MAP3K4: variants seen among roughly 807,000 people sequenced by gnomAD.
MAP3K4 encodes the protein mitogen-activated protein kinase kinase kinase 4.
Under a neutral mutation model 185.6 loss-of-function variants are expected in MAP3K4, and 67 were observed. The observed-to-expected ratio is 0.36, with a 90% CI of 0.30 to 0.44. The LOEUF is 0.44. Ranked by LOEUF, MAP3K4 falls within the 20% of genes least tolerant of loss-of-function variation. The pLI is 1.00. For synonymous variants in MAP3K4, 702 were observed against 710.4 expected (o/e 0.99, Z 0.19); for missense variants, 1,551 against 1,995.1 (o/e 0.78, Z 4.24).
rs371751053 is a variant in MAP3K4 at position 161,098,355 on chromosome 6, C to T, written c.3602C>T (p.Ala1201Val). 6 of 1,613,732 alleles carry T rather than the reference C, an allele frequency of 3.7e-6. No individual in the cohort carries two copies. In the African/African-American group the frequency reaches 8.0e-5, roughly 22 times the overall value. The change falls in exon 17 of 27, where the codon GCT becomes GTT. Residue 1201 changes from alanine (A) to valine (V), a missense_variant. Physicochemically the swap from Ala to Val is moderately conservative, Grantham distance 64 (BLOSUM62 0). Coordinates refer to ENST00000392142, the MANE Select transcript of MAP3K4 (RefSeq NM_005922.4). This position sits in a 1 kb window ranked among gnomAD's most constrained non-coding sequence, Gnocchi z 4.4. ...AAAAAAAAAV[A>V]ASRPSPSGGD... The stretch of plus-strand genomic sequence containing the variant: ...GCTGCTGCTGCTGCTGCTGCTGTTG[C>T]TGCCAGTCGGCCCAGCCCCTCTGGT...
At chr6:161,041,247 A>G (rs139933400) in intron 2 of MAP3K4, among the ~76,000 whole-genome samples, 39 of 152,318 alleles carry the variant, frequency 2.6e-4, no homozygotes, top group South Asian at 1.0e-3. Flanking sequence ...CTGACTACCT[A>G]TCGGCAAATC....
In MAP3K4 at chr6:161,043,751, C is replaced by G. The variant is rs1387837738; in HGVS notation, c.344-4865C>G. 1.3e-5 allele frequency among the ~76,000 whole-genome samples: 2 copies of G among 152,184 alleles called. No homozygotes were observed. The highest frequency in any genetic ancestry group is 2.9e-5 in the Non-Finnish European group (2 of 68,032). ...TACACTGAAATTTGAGAAGCTTGAG[C>G]TAGATGATCTCTAAGTCCCTTCAGG... On this transcript the variant is annotated intron_variant, in intron 2 of 26. Transcript: ENST00000392142. The surrounding 1 kb of genome is among the most constrained non-coding windows in gnomAD (Gnocchi z 4.3).
Position 161,109,184 on chromosome 6 carries a change from A to C in MAP3K4, c.4236+325A>C. 2.1e-6 allele frequency: 1 copy of C among 476,068 alleles called. No homozygotes were observed. The highest frequency in any genetic ancestry group is 3.8e-6 in the Non-Finnish European group (1 of 261,502). 29.5% of individuals were successfully genotyped at this position (476,068 alleles called of 1,614,324 possible). Reference sequence around the variant, plus strand: ...TTTTTGCTGAACCACTGTTGAGTACACTGTTAAGTAATACTGGTTTTTTTC... The same window carrying C: ...TTTTTGCTGAACCACTGTTGAGTACCCTGTTAAGTAATACTGGTTTTTTTC... On this transcript the variant is annotated intron_variant, in intron 22 of 26. Coordinates refer to ENST00000392142, the MANE Select transcript of MAP3K4 (RefSeq NM_005922.4). The surrounding 1 kb of genome is among the most constrained non-coding windows in gnomAD (Gnocchi z 5.7).
chr6:161,032,963 A>G (rs1783000518), intron 1 of MAP3K4, among the ~76,000 whole-genome samples: 1 of 152,104 alleles, frequency 6.6e-6, no homozygotes, highest in Admixed American at 6.5e-5. Context: ...TCAGTTTTTG[A>G]CCTATTAGGG....
chr6:161,023,076 C>T (rs1055021188), intron 1 of MAP3K4, among the ~76,000 whole-genome samples: 1 of 151,998 alleles, frequency 6.6e-6, no homozygotes, highest in African/African-American at 2.4e-5. Context: ...TGTCTTTTTC[C>T]AGCTTTATAT....
intron 10 of MAP3K4, 145 bp from the exon 11 acceptor site, chr6:161,089,177 A>C (rs894299710): frequency 2.4e-6 from 2 of 838,986 alleles, no homozygotes; most frequent in Non-Finnish European, 3.7e-6. Context: ...GTGTAGGAGA[A>C]GCTTTGCTTA....
chr6:161,060,639 A>G (rs1370638945), intron 3 of MAP3K4, among the ~76,000 whole-genome samples: 79 of 96,276 alleles, frequency 8.2e-4, no homozygotes, highest in South Asian at 1.9e-3. Flanking sequence ...TTTTTTTTTG[A>G]GAAGGAGTGT....
At chr6:161,023,278 A>G (rs1335772213) in intron 1 of MAP3K4, among the ~76,000 whole-genome samples, 1 of 152,228 alleles carries the variant, frequency 6.6e-6, no homozygotes, top group African/African-American at 2.4e-5. Flanking sequence ...GAAAACCTAA[A>G]TAATTTTGCC....
In MAP3K4 at chr6:161,045,226, T is replaced by TG. The variant is rs149485611; in HGVS notation, c.344-3383dup. Among the ~76,000 whole-genome samples, 654 of 151,786 alleles carry TG rather than the reference T, an allele frequency of 4.3e-3. 13 individuals are homozygous for TG. The East Asian group carries it at 0.071, about 17-fold the overall frequency. The stretch of plus-strand genomic sequence containing the variant: ...AACCAACTTGGGTTTTGTTTTGGGG[T>TG]GGGGGGGAACAAAAAGCTTCTCTGT... On this transcript the variant is annotated intron_variant, in intron 2 of 26. Transcript: ENST00000392142.
Position 161,073,435 on chromosome 6 carries a change from G to T in MAP3K4, c.1951-31G>T, listed in dbSNP as rs1785036407. ...ACGGATCGTCTGGTTGGAGTTTATG[G>T]CTGCTGGAACCTGTGTGTGTTGTTT... On this transcript the variant is annotated intron_variant, in intron 4 of 26. Coordinates refer to ENST00000392142, the MANE Select transcript of MAP3K4 (RefSeq NM_005922.4). The surrounding 1 kb of genome is among the most constrained non-coding windows in gnomAD (Gnocchi z 4.2). 1 of 1,535,254 alleles carries T rather than the reference G, an allele frequency of 6.5e-7. No homozygotes were observed. Among genetic ancestry groups the T allele is most frequent in the Non-Finnish European group, 8.8e-7 (1 of 1,139,918 alleles).
intron 15 of MAP3K4, among the ~76,000 whole-genome samples, chr6:161,095,700 ATTCT>A (rs1389486375): frequency 6.6e-6 from 1 of 152,180 alleles, no homozygotes; most frequent in Non-Finnish European, 1.5e-5. Flanking sequence ...ATGTACTGTA[ATTCT>A]TTCTACCATT....
intron 1 of MAP3K4, among the ~76,000 whole-genome samples, chr6:160,998,508 A>G (rs1028050892): frequency 3.9e-5 from 6 of 152,316 alleles, no homozygotes; most frequent in African/African-American, 1.4e-4. Flanking sequence ...ATGTGATATA[A>G]AGAGAATATT....
chr6:161,039,932 T>C (rs1158198400), intron 2 of MAP3K4, among the ~76,000 whole-genome samples: 2 of 152,226 alleles, frequency 1.3e-5, no homozygotes, highest in Non-Finnish European at 2.9e-5. Context: ...AAACAAAAAA[T>C]ACTATTGCGG....
chr6:161,053,874 G>A lies in MAP3K4; in HGVS notation c.1707+3895G>A, dbSNP rs1318610531. ...CTCCCAAAGTGCTGGGATTACAGGC[G>A]TGAGCCACTGCGCCTGGCTAGTGTT... On this transcript the variant is annotated intron_variant, in intron 3 of 26. Transcript: ENST00000392142. This position sits in a 1 kb window ranked among gnomAD's most constrained non-coding sequence, Gnocchi z 4.2. Among the ~76,000 whole-genome samples, 4 of 152,202 alleles carry A rather than the reference G, an allele frequency of 2.6e-5. No homozygotes were observed. Among genetic ancestry groups the A allele is most frequent in the African/African-American group, 9.6e-5 (4 of 41,532 alleles).
In MAP3K4 at chr6:160,991,952, G is replaced by T; in HGVS notation, c.21G>T (p.Ala7=). 3 of 1,544,124 alleles carry T rather than the reference G, an allele frequency of 1.9e-6. No homozygotes were observed. The highest frequency in any genetic ancestry group is 2.6e-6 in the Non-Finnish European group (3 of 1,152,886). The change falls in exon 1 of 27, where the codon GCG becomes GCT. Residue 7 remains alanine (A), a synonymous_variant. Coordinates refer to ENST00000392142, the MANE Select transcript of MAP3K4 (RefSeq NM_005922.4). This position sits in a 1 kb window ranked among gnomAD's most constrained non-coding sequence, Gnocchi z 5.7. ...CACGGATGAGAGAAGCCGCTGCCGC[G>T]CTGGTCCCTCCTCCCGCCTTTGCCG... MREAAA[A]LVPPPAFAVT...
At chr6:161,019,669 T>G (rs1231422721) in intron 1 of MAP3K4, among the ~76,000 whole-genome samples, 3 of 152,176 alleles carry the variant, frequency 2.0e-5, no homozygotes, top group Admixed American at 1.3e-4. Context: ...TTGGCCTTCC[T>G]TAGTGTTGGG....
intron 1 of MAP3K4, among the ~76,000 whole-genome samples, chr6:161,026,153 T>C (rs986749000): frequency 7.2e-5 from 11 of 152,022 alleles, no homozygotes; most frequent in Non-Finnish European, 1.5e-4. Context: ...TTTTTTGAGA[T>C]GGAGTCTTGC....
intron 17 of MAP3K4, among the ~76,000 whole-genome samples, chr6:161,099,159 C>T (rs1197171224): frequency 2.6e-5 from 4 of 152,140 alleles, no homozygotes; most frequent in Non-Finnish European, 5.9e-5. Flanking sequence ...GTCAGTATTC[C>T]CATCTTCCAA....
At chr6:161,092,254 T>G in intron 13 of MAP3K4, 111 bp downstream of exon 13, 1 of 1,168,266 alleles carries the variant, frequency 8.6e-7, no homozygotes. Context: ...GGGAACACTC[T>G]AAACTCTTCG....
Sources: gnomAD v4.1 joint callset for allele counts (sites outside exome capture counted in the v4.1 genomes callset) on GRCh38, gnomAD v4.1.1 for gene constraint, Gnocchi (gnomAD v3.1) non-coding constraint, MANE v1.5 for transcripts, NCBI Gene and HGNC (gene_info 2026-07-23, HGNC 2026-07-21) for gene names.